GALNTL6: variants seen among roughly 807,000 people sequenced by gnomAD.
The protein encoded by GALNTL6 is polypeptide N-acetylgalactosaminyltransferase like 6.
In GALNTL6, 46 loss-of-function variants were observed where a neutral mutation model predicts 73.7. That is an observed-to-expected ratio of 0.62 (90% CI 0.49 to 0.80). The LOEUF is 0.80. Ranked by LOEUF, GALNTL6 falls within the 30% of genes least tolerant of loss-of-function variation. The pLI is 0.00. For missense variants in GALNTL6, 604 were observed against 755.0 expected, an observed-to-expected ratio of 0.80 and a Z score of 2.34; for synonymous variants, 259 against 263.7, an observed-to-expected ratio of 0.98 and a Z score of 0.17.
intron 5 of GALNTL6, among the ~76,000 whole-genome samples, chr4:172,369,129 G>A (rs1347485527): frequency 2.0e-5 from 3 of 152,116 alleles, no homozygotes; most frequent in East Asian, 1.9e-4. Flanking sequence ...ACAGAGAGCT[G>A]ATTGGTCCAT....
At chr4:172,267,555 C>G (rs367820598) in intron 3 of GALNTL6, among the ~76,000 whole-genome samples, 1 of 152,088 alleles carries the variant, frequency 6.6e-6, no homozygotes, top group Non-Finnish European at 1.5e-5. Context: ...ATTGGTGTCT[C>G]TAGCACCAAG....
chr4:172,960,559 G>A (rs1039273322), intron 10 of GALNTL6, among the ~76,000 whole-genome samples: 1 of 152,124 alleles, frequency 6.6e-6, no homozygotes, highest in Non-Finnish European at 1.5e-5. Flanking sequence ...GAGGGGACAG[G>A]CAGGAGGGAA....
intron 2 of GALNTL6, among the ~76,000 whole-genome samples, chr4:171,951,872 T>C (rs544794715): frequency 1.3e-5 from 2 of 152,168 alleles, no homozygotes; most frequent in African/African-American, 2.4e-5. Context: ...ATTTAGAAGC[T>C]AGTTTGTAAC....
chr4:172,315,181 G>A (rs1489009061), intron 4 of GALNTL6, among the ~76,000 whole-genome samples: 1 of 151,982 alleles, frequency 6.6e-6, no homozygotes, highest in Non-Finnish European at 1.5e-5. Flanking sequence ...AATTGTTTCA[G>A]CTTCTTACAC....
chr4:171,860,772 C>T (rs961399909), intron 2 of GALNTL6, among the ~76,000 whole-genome samples: 4 of 152,224 alleles, frequency 2.6e-5, no homozygotes, highest in Admixed American at 2.6e-4. Flanking sequence ...CGGTTCTGTT[C>T]CTTGTCCTGG....
intron 5 of GALNTL6, among the ~76,000 whole-genome samples, chr4:172,572,790 G>T (rs1376234386): frequency 1.3e-5 from 2 of 152,174 alleles, no homozygotes; most frequent in African/African-American, 4.8e-5. Flanking sequence ...TTTACTAATA[G>T]GAATGATTTA....
chr4:173,023,550 G>C (rs139831276), intron 12 of GALNTL6, among the ~76,000 whole-genome samples: 1 of 152,054 alleles, frequency 6.6e-6, no homozygotes, highest in African/African-American at 2.4e-5. Context: ...CCAGCTACTC[G>C]GGAGGCTGAG....
chr4:172,394,455 G>A (rs1743777105), intron 5 of GALNTL6, among the ~76,000 whole-genome samples: 1 of 137,934 alleles, frequency 7.2e-6, no homozygotes, highest in African/African-American at 2.9e-5. Context: ...TTTTGAGATG[G>A]AGTTTTGCTC....
chr4:172,882,941 T>C (rs749739483), intron 8 of GALNTL6, 34 bp downstream of exon 8: 10 of 1,117,698 alleles, frequency 8.9e-6, no homozygotes, highest in Non-Finnish European at 1.3e-5. Context: ...ACTATATCTG[T>C]ATAATTTTGA....
At chr4:172,075,767 AAGAC>A (rs1194657108) in intron 2 of GALNTL6, among the ~76,000 whole-genome samples, 1 of 149,804 alleles carries the variant, frequency 6.7e-6, no homozygotes, top group Non-Finnish European at 1.5e-5. Context: ...GAGAGGGACA[AAGAC>A]AGAGAGAGAG....
chr4:172,648,370 CT>C (rs1740333560), intron 5 of GALNTL6, among the ~76,000 whole-genome samples: 1 of 152,252 alleles, frequency 6.6e-6, no homozygotes, highest in Middle Eastern at 3.4e-3. Flanking sequence ...AAAACACAGT[CT>C]TTTCCTGGGA....
chr4:172,442,858 G>A (rs561525900), intron 5 of GALNTL6, among the ~76,000 whole-genome samples: 1 of 151,892 alleles, frequency 6.6e-6, no homozygotes, highest in African/African-American at 2.4e-5. Context: ...TATTTTTAAT[G>A]AGAGAAAAAA....
chr4:173,019,343 A>G (rs996315943), intron 11 of GALNTL6, among the ~76,000 whole-genome samples: 1 of 152,200 alleles, frequency 6.6e-6, no homozygotes, highest in Non-Finnish European at 1.5e-5. Flanking sequence ...AGTTGAAATG[A>G]GAGTGTAAAA....
chr4:172,870,642 G>T (rs528845000), intron 7 of GALNTL6, among the ~76,000 whole-genome samples: 1 of 152,278 alleles, frequency 6.6e-6, no homozygotes, highest in East Asian at 1.9e-4. Context: ...AACACAACAG[G>T]TTACAGGGCA....
chr4:172,459,003 A>C (rs1045064599), intron 5 of GALNTL6, among the ~76,000 whole-genome samples: 1 of 152,240 alleles, frequency 6.6e-6, no homozygotes, highest in Admixed American at 6.5e-5. Flanking sequence ...CACATCAAAA[A>C]GCTTATCCAC....
chr4:172,348,935 G>A (rs948459573), intron 5 of GALNTL6, among the ~76,000 whole-genome samples: 2 of 152,134 alleles, frequency 1.3e-5, no homozygotes, highest in African/African-American at 4.8e-5. Flanking sequence ...ATTAGGTGTT[G>A]GCAAAATGCC....
intron 2 of GALNTL6, among the ~76,000 whole-genome samples, chr4:171,846,926 AATTATATATACATATAATTATAT>A (rs1469992899): frequency 7.5e-5 from 11 of 145,970 alleles, no homozygotes; most frequent in Non-Finnish European, 1.5e-4. Flanking sequence ...AATTATATGT[AATTATATATACATATAATTATAT>A]GTAATTATAT....
At chr4:172,060,855 T>C (rs1258067167) in intron 2 of GALNTL6, among the ~76,000 whole-genome samples, 1 of 152,176 alleles carries the variant, frequency 6.6e-6, no homozygotes, top group African/African-American at 2.4e-5. Context: ...TTGCAAAGCA[T>C]TTCAAGGTCT....
intron 2 of GALNTL6, among the ~76,000 whole-genome samples, chr4:171,948,349 G>C (rs962789847): frequency 3.3e-5 from 5 of 152,118 alleles, no homozygotes; most frequent in Non-Finnish European, 5.9e-5. Flanking sequence ...ATTCTAAACT[G>C]TAATAAGTAG....
Sources: gnomAD v4.1 joint callset for allele counts (sites outside exome capture counted in the v4.1 genomes callset) on GRCh38, gnomAD v4.1.1 for gene constraint, MANE v1.5 for transcripts, NCBI Gene and HGNC (gene_info 2026-07-23, HGNC 2026-07-21) for gene names.